LPO: variants seen among roughly 807,000 people sequenced by gnomAD.
LPO encodes salivary peroxidase.
Under a neutral mutation model 68.4 loss-of-function variants are expected in LPO, and 70 were observed. The ratio of observed to expected loss-of-function variants is 1.02; its 90% CI spans 0.84 to 1.25. The LOEUF is 1.25. LPO is among the 50% of genes most tolerant of loss of function. LPO has a pLI of 0.00. For synonymous variants in LPO, 360 were observed against 357.6 expected, an observed-to-expected ratio of 1.01 and a Z score of -0.08; for missense variants, 873 against 908.4, an observed-to-expected ratio of 0.96 and a Z score of 0.50.
intron 1 of LPO, among the ~76,000 whole-genome samples, chr17:58,240,107 C>T (rs538151644): frequency 2.2e-4 from 33 of 152,204 alleles, no homozygotes; most frequent in African/African-American, 7.0e-4. Context: ...GAAAAAGGAA[C>T]GATCTAACTT....
intron 9 of LPO, among the ~76,000 whole-genome samples, chr17:58,256,262 G>C (rs1411685227): frequency 1.3e-5 from 2 of 152,098 alleles, no homozygotes; most frequent in Admixed American, 1.3e-4. Context: ...AGGGCATTTG[G>C]ATAGTTTCCA....
At chr17:58,242,765 C>T (rs1969780298) in intron 1 of LPO, 2 of 503,954 alleles carry the variant, frequency 4.0e-6, no homozygotes, top group Admixed American at 3.6e-5. Flanking sequence ...AGTTCTTTCC[C>T]TTCCACCATG....
At chr17:58,240,450 C>T (rs1338659434) in intron 1 of LPO, among the ~76,000 whole-genome samples, 1 of 152,212 alleles carries the variant, frequency 6.6e-6, no homozygotes, top group East Asian at 1.9e-4. Flanking sequence ...AGCCCCAGGC[C>T]CTCTTGCCCT....
intron 9 of LPO, among the ~76,000 whole-genome samples, chr17:58,257,858 GT>G (rs1970100479): frequency 6.6e-6 from 1 of 152,118 alleles, no homozygotes; most frequent in Admixed American, 6.6e-5. Flanking sequence ...TCTCATTGTA[GT>G]TTTGATCTGC....
rs751604629 is a variant in LPO at position 58,267,421 on chromosome 17, A to C, written c.1766A>C (p.Lys589Thr). 7 of 1,614,238 alleles carry C rather than the reference A, an allele frequency of 4.3e-6. No homozygotes were observed. In the South Asian group the frequency reaches 6.6e-5, roughly 15 times the overall value. ...CTAGAGGAGTTGAACACAGTGCTGA[A>C]GAGCAAGATGCTGGCCAAGAAGTTA... ...QTLEELNTVLKSKMLAKKLLG... is the reference protein window; with the variant it reads ...QTLEELNTVLTSKMLAKKLLG... The change falls in exon 12 of 13, where the codon AAG (lysine) becomes ACG (threonine). Residue 589 changes from lysine (K) to threonine (T), a missense_variant. Transcript: ENST00000262290.
At chr17:58,259,902 A>AGTGATTCTCCTG (rs1175191459) in intron 9 of LPO, among the ~76,000 whole-genome samples, 56 of 152,000 alleles carry the variant, frequency 3.7e-4, no homozygotes, top group African/African-American at 1.3e-3. Context: ...GCTCACTGCA[A>AGTGATTCTCCTG]CCTCCCGGGT....
intron 5 of LPO, 50 bp downstream of exon 5, chr17:58,249,227 G>A (rs1375848268): frequency 6.6e-7 from 1 of 1,517,322 alleles, no homozygotes; most frequent in Non-Finnish European, 9.1e-7. Context: ...ACTCCGCCCC[G>A]CCCTGCCAAG....
chr17:58,266,347 C>T (rs1231629937), intron 11 of LPO, 21 bp downstream of exon 11: 1 of 1,610,584 alleles, frequency 6.2e-7, no homozygotes, highest in South Asian at 1.1e-5. Context: ...GAAGTCTGGC[C>T]TGCACTGGGG....
chr17:58,250,704 C>A, intron 7 of LPO, 83 bp downstream of exon 7: 1 of 1,379,074 alleles, frequency 7.3e-7, no homozygotes, highest in Non-Finnish European at 1.0e-6. Context: ...CAGCTAGGAT[C>A]TCTGGATAGA....
In LPO at chr17:58,266,323, C is replaced by G; in HGVS notation, c.1690C>G (p.Pro564Ala). The change falls in exon 11 of 13, where the codon CCT becomes GCT. Residue 564 changes from proline to alanine, a missense_variant. Transcript: ENST00000262290. ...NTQRCRDHGQ[P>A]GYNSWRAFCD... is the part of the protein sequence containing the mutation. ...ACAGCGTTGCCGGGACCATGGGCAA[C>G]CTGGTGAGTGTCTGAAGTCTGGCCT... 1 of 1,613,906 alleles carries G rather than the reference C, an allele frequency of 6.2e-7. No homozygotes were observed.
At chr17:58,256,990 CTTTTTTTT>C (rs1040765289) in intron 9 of LPO, among the ~76,000 whole-genome samples, 1 of 75,040 alleles carries the variant, frequency 1.3e-5, no homozygotes, top group Non-Finnish European at 2.4e-5. Flanking sequence ...AGGTCTTACT[CTTTTTTTT>C]TTTTTTTTTT....
rs1969785939 is a variant in LPO at position 58,243,011 on chromosome 17, T to C, written c.32T>C (p.Leu11Pro). 2 of 1,614,124 alleles carry C rather than the reference T, an allele frequency of 1.2e-6. No individual in the cohort carries two copies. The highest frequency in any genetic ancestry group is 1.7e-6 in the Non-Finnish European group (2 of 1,180,014). The change falls in exon 2 of 13, where the codon CTG becomes CCG. Residue 11 changes from leucine (L) to proline (P), a missense_variant. Coordinates refer to ENST00000262290, the MANE Select transcript of LPO (RefSeq NM_006151.3). MRVLLHLPAL[L>P]ASLILLQAAA... ...GTCCTTCTCCATCTCCCAGCCCTCC[T>C]GGCTTCCCTCATCTTGCTTCAGGCT...
chr17:58,242,454 C>T (rs1357379864), intron 1 of LPO, among the ~76,000 whole-genome samples: 1 of 152,180 alleles, frequency 6.6e-6, no homozygotes, highest in African/African-American at 2.4e-5. Context: ...GCATTCTCTC[C>T]TGGGGCTGGG....
intron 12 of LPO, 42 bp from the exon 13 acceptor site, chr17:58,267,745 C>T (rs1357630828): frequency 6.3e-7 from 1 of 1,577,956 alleles, no homozygotes; most frequent in African/African-American, 1.3e-5. Flanking sequence ...GGGGAGGGGC[C>T]AGCGGCCAGA....
chr17:58,251,389 C>T (rs1459138880), intron 7 of LPO: 1 of 155,476 alleles, frequency 6.4e-6, no homozygotes, highest in African/African-American at 2.4e-5. Context: ...TCATTTTATA[C>T]ATGATAAAGT....
intron 9 of LPO, among the ~76,000 whole-genome samples, chr17:58,259,062 G>A (rs1022847863): frequency 4.6e-5 from 7 of 151,490 alleles, no homozygotes; most frequent in Non-Finnish European, 8.8e-5. Context: ...AAGGTCTTTT[G>A]TAGAGCAAAA....
intron 10 of LPO, 73 bp downstream of exon 10, chr17:58,265,047 G>C (rs776844012): frequency 3.1e-5 from 49 of 1,579,504 alleles, no homozygotes; most frequent in Non-Finnish European, 4.1e-5. Context: ...ACTTGGGTTG[G>C]AAGTCAGATT....
intron 6 of LPO, among the ~76,000 whole-genome samples, chr17:58,250,052 G>A (rs1419548121): frequency 6.6e-6 from 1 of 152,108 alleles, no homozygotes; most frequent in Non-Finnish European, 1.5e-5. Context: ...CCCCTACCCA[G>A]AGCCCCTCTC....
At position 58,241,707 on chromosome 17, in the gene LPO, G is replaced by A. The variant is rs993129559; in HGVS notation, c.-2-1271G>A. On this transcript the variant is annotated intron_variant, in intron 1 of 12. Transcript: ENST00000262290. ...CCAGAGAGGTATTTATTCATGCCTT[G>A]CCCCTTCTCTAGAGTTAGCTGGCAA... Among the ~76,000 whole-genome samples the A allele has an allele frequency of 2.0e-5, 3 of 152,156 alleles. No homozygotes were observed. The East Asian group carries it at 5.8e-4, about 29-fold the overall frequency.
Sources: gnomAD v4.1 joint callset for allele counts (sites outside exome capture counted in the v4.1 genomes callset) on GRCh38, gnomAD v4.1.1 for gene constraint, MANE v1.5 for transcripts, NCBI Gene and HGNC (gene_info 2026-07-23, HGNC 2026-07-21) for gene names.